The following AGTRAP variants were observed in gnomAD, a reference collection of about 807,000 sequenced individuals.
The protein encoded by AGTRAP is type-1 angiotensin II receptor-associated protein.
AGTRAP carries 7 observed loss-of-function variants against 15.2 expected under a neutral mutation model. The observed-to-expected ratio is 0.46, with a 90% CI of 0.26 to 0.87. The LOEUF (loss-of-function observed/expected upper bound fraction) is 0.87. Ranked by LOEUF, AGTRAP falls within the 40% of genes least tolerant of loss-of-function variation. The pLI is 0.15. For synonymous variants in AGTRAP, 74 were observed against 89.6 expected (o/e 0.83, Z 0.98); for missense variants, 187 against 213.4 (o/e 0.88, Z 0.77).
chr1:11,745,686 T>G lies in AGTRAP; in HGVS notation c.28-117T>G. The G allele has an allele frequency of 9.3e-7, 1 of 1,076,056 alleles. No homozygotes were observed. The highest frequency in any genetic ancestry group is 1.4e-6 in the Non-Finnish European group (1 of 695,272). 66.7% of individuals were successfully genotyped at this position (1,076,056 alleles called of 1,614,324 possible). ...GGTGTGCCTTTTCAACAGACATTAC[T>G]GAGGCCCTCAGAGGTGCCAGGCGCA... On this transcript the variant is annotated intron_variant, in intron 1 of 4. Transcript: ENST00000314340. This position sits in a 1 kb window ranked among gnomAD's most constrained non-coding sequence, Gnocchi z 4.2.
intron 1 of AGTRAP, among the ~76,000 whole-genome samples, chr1:11,742,812 G>A (rs1188398189): frequency 6.6e-6 from 1 of 152,176 alleles, no homozygotes; most frequent in Non-Finnish European, 1.5e-5. Flanking sequence ...TTACAGGCGT[G>A]AGCCACCAGA....
intron 1 of AGTRAP, among the ~76,000 whole-genome samples, chr1:11,742,099 G>T (rs1642043918): frequency 6.6e-6 from 1 of 152,244 alleles, no homozygotes; most frequent in Non-Finnish European, 1.5e-5. Context: ...AGCCCAAACA[G>T]TTCCCAGCTG....
Position 11,745,402 on chromosome 1 carries a change from C to T in AGTRAP, c.28-401C>T, listed in dbSNP as rs982976189. 1.3e-5 allele frequency among the ~76,000 whole-genome samples: 2 copies of T among 152,188 alleles called. No homozygotes were observed. The highest frequency in any genetic ancestry group is 2.4e-5 in the African/African-American group (1 of 41,444). ...GTTTTGTCAGCAAGGTCTTTATGAC[C>T]TGTACCTTGTGCTGACCTCCTGTCT... On this transcript the variant is annotated intron_variant, in intron 1 of 4. Coordinates refer to ENST00000314340, the MANE Select transcript of AGTRAP (RefSeq NM_020350.5). The surrounding 1 kb of genome is among the most constrained non-coding windows in gnomAD (Gnocchi z 4.2).
intron 1 of AGTRAP, among the ~76,000 whole-genome samples, chr1:11,736,700 T>G (rs913528354): frequency 1.1e-4 from 16 of 152,356 alleles, no homozygotes; most frequent in African/African-American, 3.8e-4. Context: ...AAATCAGATG[T>G]TCCCAAGCAG....
At chr1:11,736,271 G>A (rs1641894291) in intron 1 of AGTRAP, 36 bp downstream of exon 1, 2 of 1,598,140 alleles carry the variant, frequency 1.3e-6, no homozygotes, top group Non-Finnish European at 1.7e-6. Context: ...CCCTTTGCGG[G>A]AGGAAGTGGG....
chr1:11,744,501 A>G (rs1360064253), intron 1 of AGTRAP: 1 of 713,928 alleles, frequency 1.4e-6, no homozygotes, highest in East Asian at 2.7e-5. Flanking sequence ...CTCTCCAGCC[A>G]CAACAGCTGC....
At chr1:11,746,508 G>C (rs1169092161) in intron 2 of AGTRAP, 4 of 334,336 alleles carry the variant, frequency 1.2e-5, no homozygotes, top group African/African-American at 2.1e-5. Flanking sequence ...GCAAGGCCCA[G>C]TGGGTTTGGT....
At chr1:11,743,364 A>G (rs2100769488) in intron 1 of AGTRAP, among the ~76,000 whole-genome samples, 1 of 150,758 alleles carries the variant, frequency 6.6e-6, no homozygotes, top group African/African-American at 2.4e-5. Flanking sequence ...TCGTGCCTCA[A>G]CTTCCGGAGT....
In AGTRAP at chr1:11,745,856, A is replaced by G. The variant is rs764539185; in HGVS notation, c.62+19A>G. On this transcript the variant is annotated intron_variant, in intron 2 of 4. Transcript: ENST00000314340. This position sits in a 1 kb window ranked among gnomAD's most constrained non-coding sequence, Gnocchi z 4.2. ...CAACCTGGTAAGTGACTCTGTGGGT[A>G]TCTTGTGTGTCTCCTGCGGTCTCAG... 1.2e-5 allele frequency: 19 copies of G among 1,613,364 alleles called. No individual in the cohort carries two copies. The highest frequency in any genetic ancestry group is 5.0e-5 in the Admixed American group (3 of 59,914).
intron 1 of AGTRAP, among the ~76,000 whole-genome samples, chr1:11,742,915 A>G (rs1267960922): frequency 6.6e-6 from 1 of 152,082 alleles, no homozygotes; most frequent in East Asian, 1.9e-4. Flanking sequence ...AACCTTGCCC[A>G]TGTCTGCGCC....
chr1:11,750,330 C>T lies in AGTRAP; in HGVS notation c.*138C>T, dbSNP rs1642288607. ...CTCAGGGATTGCCTGAACCAAGAGG[C>T]CAGGAGCCCCCATGGGCCGCCCAGT... On this transcript the variant is annotated 3_prime_UTR_variant, in exon 5 of 5. Transcript: ENST00000314340. 1.2e-6 allele frequency: 1 copy of T among 823,674 alleles called. No individual in the cohort carries two copies. The highest frequency in any genetic ancestry group is 2.0e-5 in the Admixed American group (1 of 50,028). The allele number at this position is 823,674 out of a possible 1,614,324, so 51.0% of individuals were successfully genotyped here.
chr1:11,739,026 G>GCCCT (rs1294022469), intron 1 of AGTRAP, among the ~76,000 whole-genome samples: 21 of 152,242 alleles, frequency 1.4e-4, no homozygotes, highest in African/African-American at 4.3e-4. Context: ...ATTTCCATCT[G>GCCCT]CCCTCTACGG....
intron 1 of AGTRAP, among the ~76,000 whole-genome samples, chr1:11,741,283 T>C (rs571055845): frequency 1.6e-4 from 24 of 152,150 alleles, no homozygotes; most frequent in African/African-American, 5.1e-4. Flanking sequence ...TTCAATCAGG[T>C]GCCCTTTCCC....
In AGTRAP at chr1:11,750,248, G is replaced by T; in HGVS notation, c.*56G>T. 1 of 1,395,444 alleles carries T rather than the reference G, an allele frequency of 7.2e-7. No homozygotes were observed. The allele number at this position is 1,395,444 out of a possible 1,614,324, so 86.4% of individuals were successfully genotyped here. On this transcript the variant is annotated 3_prime_UTR_variant, in exon 5 of 5. Coordinates refer to ENST00000314340, the MANE Select transcript of AGTRAP (RefSeq NM_020350.5). ...GGGCCTTCCTCGTGCCTGGGAGGTC[G>T]TTCTAGGGATGCTCCTGACCTCCGT...
chr1:11,739,756 T>C (rs1207482568), intron 1 of AGTRAP, among the ~76,000 whole-genome samples: 1 of 152,218 alleles, frequency 6.6e-6, no homozygotes, highest in Non-Finnish European at 1.5e-5. Context: ...TAGCAGGAGT[T>C]GCTGCTGTCG....
chr1:11,746,471 G>C, intron 2 of AGTRAP: 2 of 415,184 alleles, frequency 4.8e-6, no homozygotes, highest in South Asian at 5.7e-5. Context: ...TATAAATCTA[G>C]GAAGCGCCCG....
At chr1:11,749,337 G>A (rs1020848364) in intron 4 of AGTRAP, among the ~76,000 whole-genome samples, 10 of 152,244 alleles carry the variant, frequency 6.6e-5, no homozygotes, top group Admixed American at 6.5e-4. Context: ...GATGCCCCAC[G>A]TGGCCTGTGA....
At chr1:11,736,824 A>G (rs1447000101) in intron 1 of AGTRAP, among the ~76,000 whole-genome samples, 2 of 152,232 alleles carry the variant, frequency 1.3e-5, no homozygotes, top group Non-Finnish European at 2.9e-5. Context: ...TGGGGAAAAC[A>G]CTGCAGGGCT....
At chr1:11,736,258 G>T in intron 1 of AGTRAP, 23 bp downstream of exon 1, 1 of 1,603,988 alleles carries the variant, frequency 6.2e-7, no homozygotes, top group Non-Finnish European at 8.5e-7. Context: ...TGGGGGGAGG[G>T]TCCCCTTTGC....
Sources: gnomAD v4.1 joint callset for allele counts (sites outside exome capture counted in the v4.1 genomes callset) on GRCh38, gnomAD v4.1.1 for gene constraint, Gnocchi (gnomAD v3.1) non-coding constraint, MANE v1.5 for transcripts, NCBI Gene and HGNC (gene_info 2026-07-23, HGNC 2026-07-21) for gene names.